NMRK1: variants seen among roughly 807,000 people sequenced by gnomAD.
NMRK1 encodes nicotinamide riboside kinase 1.
In NMRK1, 28 loss-of-function variants were observed where a neutral mutation model predicts 29.9. The observed-to-expected ratio is 0.94, with a 90% CI of 0.69 to 1.28. NMRK1 has a LOEUF of 1.28. Ranked by LOEUF, NMRK1 falls within the 50% of genes most tolerant of loss-of-function variation. The probability of loss-of-function intolerance (pLI) is 0.00; values close to 1 mark genes in which losing one functional copy is unlikely to be tolerated. For synonymous variants in NMRK1, 58 were observed against 73.0 expected (o/e 0.79, Z 1.05); for missense variants, 218 against 233.1 (o/e 0.94, Z 0.42).
At chr9:75,063,360 AAAAT>A (rs988880666) in intron 8 of NMRK1, among the ~76,000 whole-genome samples, 12 of 151,578 alleles carry the variant, frequency 7.9e-5, no homozygotes, top group African/African-American at 2.6e-4. Flanking sequence ...ATAAAAAATA[AAAAT>A]AAATAAAACA....
chr9:75,069,757 C>T lies in NMRK1; in HGVS notation c.374G>A (p.Cys125Tyr), dbSNP rs776403043. The change falls in exon 6 of 9, where the codon TGT becomes TAT. Residue 125 changes from cysteine (C) to tyrosine (Y), a missense_variant. Coordinates refer to ENST00000361092, the MANE Select transcript of NMRK1 (RefSeq NM_017881.3). ...SYFLTIPYEE[C>Y]KRRRSTRVYQ... Reference sequence around the variant, plus strand: ...CAAAACTTACCTCCTCCTCCTTTTACATTCTTCATATGGAATAGTCAGGAA... The same window carrying T: ...CAAAACTTACCTCCTCCTCCTTTTATATTCTTCATATGGAATAGTCAGGAA... The T allele has an allele frequency of 6.2e-7, 1 of 1,611,220 alleles. No homozygotes were observed. Among genetic ancestry groups the T allele is most frequent in the Non-Finnish European group, 8.5e-7 (1 of 1,178,732 alleles).
chr9:75,068,959 G>C (rs1211106307), intron 7 of NMRK1, 37 bp downstream of exon 7: 2 of 1,406,686 alleles, frequency 1.4e-6, no homozygotes, highest in Admixed American at 3.4e-5. Flanking sequence ...CAAATGACAA[G>C]TAAAAGGCCT....
At chr9:75,066,676 G>C in intron 8 of NMRK1, 81 bp downstream of exon 8, 1 of 823,764 alleles carries the variant, frequency 1.2e-6, no homozygotes, top group Admixed American at 1.7e-5. Flanking sequence ...TAGCATTCTG[G>C]TATTCCATTC....
At chr9:75,061,759 T>C (rs572930757) in intron 8 of NMRK1, among the ~76,000 whole-genome samples, 192 bp from the exon 9 acceptor site, 1 of 152,364 alleles carries the variant, frequency 6.6e-6, no homozygotes, top group East Asian at 1.9e-4. Flanking sequence ...ATTTGAAGCA[T>C]ACCTTAAAAT....
rs1824489900 is a variant in NMRK1, at chr9:75,084,259, G to T, written c.-35-1109C>A. ...GGTTGCCAGGGACCTAGGCCGTGTA[G>T]CCAGGGGCAAGCGGCTGCCTGCCAA... On this transcript the variant is annotated intron_variant, in intron 1 of 8. Coordinates refer to ENST00000361092, the MANE Select transcript of NMRK1 (RefSeq NM_017881.3). 4.6e-5 allele frequency among the ~76,000 whole-genome samples: 7 copies of T among 152,214 alleles called. No individual in the cohort carries two copies. In the South Asian group the frequency reaches 1.4e-3, roughly 31 times the overall value.
chr9:75,074,829 A>G (rs1248002960), intron 4 of NMRK1, among the ~76,000 whole-genome samples: 1 of 152,210 alleles, frequency 6.6e-6, no homozygotes, highest in Non-Finnish European at 1.5e-5. Flanking sequence ...CTTGACTAGT[A>G]CTTTGATTTA....
intron 8 of NMRK1, among the ~76,000 whole-genome samples, chr9:75,062,196 T>C (rs1823062091): frequency 6.6e-6 from 1 of 151,910 alleles, no homozygotes; most frequent in Admixed American, 6.5e-5. Context: ...TTTTATGGCA[T>C]GTGATATATC....
chr9:75,080,630 C>T (rs548711432), intron 2 of NMRK1, among the ~76,000 whole-genome samples: 11 of 152,162 alleles, frequency 7.2e-5, no homozygotes, highest in South Asian at 4.2e-4. Flanking sequence ...CCAGCCTGGG[C>T]GAGCAAGACT....
chr9:75,080,106 A>G (rs1199353380), intron 2 of NMRK1, among the ~76,000 whole-genome samples: 2 of 152,212 alleles, frequency 1.3e-5, no homozygotes, highest in Admixed American at 1.3e-4. Flanking sequence ...GTAATTACTC[A>G]AACACGTGGA....
chr9:75,078,208 CA>C (rs1235436889), intron 2 of NMRK1: 1 of 1,449,868 alleles, frequency 6.9e-7, no homozygotes, highest in African/African-American at 1.4e-5. Context: ...ATATGCAACA[CA>C]GAGAATATGA....
At position 75,077,998 on chromosome 9, in the gene NMRK1, A is replaced by G. The variant is rs1314261650; in HGVS notation, c.30-418T>C. ...GCAATATTTACTATTTAAGAAAAAAATGATTTCTTTCATAGATAGTGCCTT... is the reference window on the plus strand; with the variant it reads ...GCAATATTTACTATTTAAGAAAAAAGTGATTTCTTTCATAGATAGTGCCTT... On this transcript the variant is annotated intron_variant, in intron 2 of 8. Transcript: ENST00000361092. 2.6e-5 allele frequency among the ~76,000 whole-genome samples: 4 copies of G among 152,362 alleles called. No individual in the cohort carries two copies. In the East Asian group the frequency reaches 7.7e-4, roughly 29 times the overall value.
chr9:75,076,647 G>A (rs1245490378), intron 4 of NMRK1, among the ~76,000 whole-genome samples: 1 of 152,142 alleles, frequency 6.6e-6, no homozygotes, highest in African/African-American at 2.4e-5. Flanking sequence ...GTGGAGTACA[G>A]TGGTGCGATC....
Position 75,078,328 on chromosome 9 carries a change from T to C in NMRK1, c.30-748A>G, listed in dbSNP as rs747619491. 1.4e-5 allele frequency: 22 copies of C among 1,569,042 alleles called. 1 individual carries two copies. In the Admixed American group the frequency reaches 3.7e-4, roughly 27 times the overall value. ...TGGCTTATTACAAGCCCACCTACCA[T>C]GAAATCACATTTCCTCTGCGATGCC... is the stretch of plus-strand genomic sequence containing the variant. On this transcript the variant is annotated intron_variant, in intron 2 of 8. Coordinates refer to ENST00000361092, the MANE Select transcript of NMRK1 (RefSeq NM_017881.3).
intron 8 of NMRK1, among the ~76,000 whole-genome samples, chr9:75,064,887 T>C (rs750744869): frequency 2.3e-4 from 35 of 152,358 alleles, no homozygotes; most frequent in Non-Finnish European, 4.4e-4. Context: ...GTTCTTTTAA[T>C]TCAAATAGTT....
intron 8 of NMRK1, chr9:75,066,217 A>G (rs377386216): frequency 1.2e-5 from 6 of 511,108 alleles, no homozygotes; most frequent in South Asian, 4.3e-5. Flanking sequence ...TGAAGCCACC[A>G]TTACCCCTGT....
chr9:75,075,420 C>T (rs1330258247), intron 4 of NMRK1, among the ~76,000 whole-genome samples: 1 of 152,114 alleles, frequency 6.6e-6, no homozygotes, highest in Non-Finnish European at 1.5e-5. Flanking sequence ...AATTTTGCCT[C>T]TCATAAAACT....
intron 1 of NMRK1, among the ~76,000 whole-genome samples, chr9:75,086,795 C>T (rs1299274852): frequency 2.0e-5 from 3 of 152,152 alleles, no homozygotes; most frequent in African/African-American, 7.2e-5. Flanking sequence ...ACTTCTTACT[C>T]TGTATTCTAT....
chr9:75,086,875 C>T (rs780779230), intron 1 of NMRK1, among the ~76,000 whole-genome samples: 74 of 151,072 alleles, frequency 4.9e-4, no homozygotes, highest in Non-Finnish European at 8.8e-4. Flanking sequence ...TTAAACTTTG[C>T]TCCCTTTTGG....
rs189492295 is a variant in NMRK1, at chr9:75,078,474, G to A, written c.30-894C>T. On this transcript the variant is annotated intron_variant, in intron 2 of 8. Transcript: ENST00000361092. Reference sequence around the variant, plus strand: ...TGAAGTCCAGGAGAAGGGGCACTGAGTTACTCCTCTTTAGATCTAGTTTTG... The same window carrying A: ...TGAAGTCCAGGAGAAGGGGCACTGAATTACTCCTCTTTAGATCTAGTTTTG... 6.3e-5 allele frequency: 93 copies of A among 1,468,284 alleles called. No individual in the cohort carries two copies. In the East Asian group the frequency reaches 1.5e-3, roughly 23 times the overall value. 91.0% of individuals were successfully genotyped at this position (1,468,284 alleles called of 1,614,324 possible). A position where few individuals can be genotyped will look rare whatever the true frequency, so the allele number is the denominator to read the frequency against.
Sources: gnomAD v4.1 joint callset for allele counts (sites outside exome capture counted in the v4.1 genomes callset) on GRCh38, gnomAD v4.1.1 for gene constraint, MANE v1.5 for transcripts, NCBI Gene and HGNC (gene_info 2026-07-23, HGNC 2026-07-21) for gene names.